The following BICRAL variants were observed in gnomAD, a reference collection of about 807,000 sequenced individuals.
BICRAL encodes BRD4-interacting chromatin-remodeling complex-associated protein-like.
A neutral mutation model predicts 91.8 loss-of-function variants in BICRAL; 8 were observed. The ratio of observed to expected loss-of-function variants is 0.09; its 90% CI spans 0.05 to 0.16. The LOEUF is 0.16. Among genes scored for constraint, BICRAL ranks in the 10% least tolerant of loss-of-function variants. The pLI, the probability that BICRAL is intolerant of heterozygous loss-of-function variation, is 1.00. For missense variants in BICRAL, 1,038 were observed against 1,310.9 expected (o/e 0.79, Z 3.21); for synonymous variants, 445 against 491.1 (o/e 0.91, Z 1.24).
At position 42,867,377 on chromosome 6, in the gene BICRAL, A is replaced by G. The variant is rs1765742706; in HGVS notation, c.*1931A>G. The G allele has an allele frequency of 6.5e-6, 1 of 153,742 alleles. No individual in the cohort carries two copies. The highest frequency in any genetic ancestry group is 2.4e-5 in the African/African-American group (1 of 41,430). 9.5% of individuals were successfully genotyped at this position (153,742 alleles called of 1,614,324 possible). A position where few individuals can be genotyped will look rare whatever the true frequency, so the allele number is the denominator to read the frequency against. ...TACCATTTTTTCCTTATTTGTGCCAATGTCCAAGTTGCAGATTTCCCCTTT... is the reference window on the plus strand; with the variant it reads ...TACCATTTTTTCCTTATTTGTGCCAGTGTCCAAGTTGCAGATTTCCCCTTT... On this transcript the variant is annotated 3_prime_UTR_variant, in exon 13 of 13. Transcript: ENST00000314073.
At chr6:42,813,936 G>T (rs910975137) in intron 2 of BICRAL, among the ~76,000 whole-genome samples, 5 of 152,034 alleles carry the variant, frequency 3.3e-5, no homozygotes, top group Admixed American at 6.6e-5. Flanking sequence ...TGGAAATCTG[G>T]ATTTACTTAA....
intron 3 of BICRAL, 105 bp downstream of exon 3, chr6:42,822,168 A>C: frequency 1.5e-6 from 1 of 659,182 alleles, no homozygotes; most frequent in South Asian, 2.0e-5. Flanking sequence ...TTAAATAAAA[A>C]TTAAATAATA....
At chr6:42,773,715 A>C (rs1341451458) in intron 1 of BICRAL, among the ~76,000 whole-genome samples, 6 of 152,004 alleles carry the variant, frequency 3.9e-5, no homozygotes. Flanking sequence ...GGGTTTCTTC[A>C]TGTTGGCCAG....
chr6:42,857,017 C>T (rs1283030333), intron 9 of BICRAL, 74 bp from the exon 10 acceptor site: 3 of 1,234,268 alleles, frequency 2.4e-6, no homozygotes, highest in African/African-American at 1.5e-5. Context: ...ATTTTATTTG[C>T]ATGCAAATAA....
intron 6 of BICRAL, among the ~76,000 whole-genome samples, chr6:42,838,365 C>T (rs531641362): frequency 1.6e-4 from 25 of 152,252 alleles, no homozygotes; most frequent in African/African-American, 6.0e-4. Flanking sequence ...CCTCATGACT[C>T]GGCTTCATCA....
intron 6 of BICRAL, among the ~76,000 whole-genome samples, chr6:42,837,500 G>A (rs58598262): frequency 1.3e-5 from 2 of 151,162 alleles, no homozygotes; most frequent in African/African-American, 4.9e-5. Context: ...GCCTGTAATC[G>A]CAGCACTTTG....
At chr6:42,778,856 C>T (rs975076169), upstream of BICRAL, among the ~76,000 whole-genome samples, 3 of 151,996 alleles carry the variant, frequency 2.0e-5, no homozygotes, top group African/African-American at 7.3e-5. Context: ...CTTGCTCTGT[C>T]GCCCAGGCTG....
At chr6:42,755,223 G>A (rs1166918815) in intron 1 of BICRAL, among the ~76,000 whole-genome samples, 1 of 152,102 alleles carries the variant, frequency 6.6e-6, no homozygotes, top group Non-Finnish European at 1.5e-5. Context: ...GGAGAATGAA[G>A]TTGGGAATGA....
chr6:42,848,218 C>T (rs543194716), intron 6 of BICRAL, among the ~76,000 whole-genome samples: 1 of 151,596 alleles, frequency 6.6e-6, no homozygotes, highest in African/African-American at 2.4e-5. Context: ...CACCACTGCA[C>T]TCCAGCCTGG....
At chr6:42,751,818 G>C (rs28407754) in intron 1 of BICRAL, among the ~76,000 whole-genome samples, 1 of 151,802 alleles carries the variant, frequency 6.6e-6, no homozygotes, top group South Asian at 2.1e-4. Flanking sequence ...CCACCATGCC[G>C]GGCTAATTTT....
At position 42,829,618 on chromosome 6, in the gene BICRAL, C is replaced by T. The variant is rs1582851896; in HGVS notation, c.1285C>T (p.Pro429Ser). 2.5e-6 allele frequency: 4 copies of T among 1,614,200 alleles called. No homozygotes were observed. Among genetic ancestry groups the T allele is most frequent in the Middle Eastern group, 1.6e-4 (1 of 6,062 alleles). The stretch of plus-strand genomic sequence containing the variant: ...AAATGGGCAACTTCTTCAAACTCAA[C>T]CCTCTCAGCTCATTTCTGGCCAAGT... ...TINGQLLQTQ[P>S]SQLISGQVAS... The change falls in exon 6 of 13, where the codon CCC becomes TCC. Residue 429 changes from proline to serine, a missense_variant. By Grantham distance (74) the Pro-to-Ser change is moderately conservative. Around this residue, in one of 5 missense-constraint regions of BICRAL, gnomAD observed 532 missense variants for 724.9 expected, o/e 0.73. Transcript: ENST00000314073.
rs376863451 is a variant in BICRAL at position 42,797,437 on chromosome 6, GA to G, written c.-101-12859del. 4.5e-3 allele frequency among the ~76,000 whole-genome samples: 663 copies of G among 148,542 alleles called. 6 individuals carry two copies. The highest frequency in any genetic ancestry group is 0.016 in the African/African-American group (630 of 40,544). ...GCAAGGAGTGATTTGACTTAAAAAG[GA>G]AAAAAAAAAGTTATAGTCAATAACA... On this transcript the variant is annotated intron_variant, in intron 1 of 12. Coordinates refer to ENST00000314073, the MANE Select transcript of BICRAL (RefSeq NM_001393499.1).
intron 1 of BICRAL, among the ~76,000 whole-genome samples, chr6:42,747,344 C>T (rs1359399199): frequency 6.6e-6 from 1 of 152,202 alleles, no homozygotes; most frequent in African/African-American, 2.4e-5. Context: ...CCCTAGGTTT[C>T]CTCCTTATAT....
intron 1 of BICRAL, among the ~76,000 whole-genome samples, chr6:42,803,211 A>G (rs1763624000): frequency 6.6e-6 from 1 of 152,186 alleles, no homozygotes; most frequent in Non-Finnish European, 1.5e-5. Flanking sequence ...CAGCACATAA[A>G]TCCCTTTATA....
chr6:42,757,082 T>G (rs1762473615), intron 1 of BICRAL, among the ~76,000 whole-genome samples: 1 of 151,872 alleles, frequency 6.6e-6, no homozygotes, highest in Admixed American at 6.6e-5. Flanking sequence ...ACACTTCTAT[T>G]GCATTCATAT....
intron 1 of BICRAL, among the ~76,000 whole-genome samples, chr6:42,758,705 G>A (rs1451223995): frequency 6.9e-6 from 1 of 145,790 alleles, no homozygotes; most frequent in Non-Finnish European, 1.5e-5. Flanking sequence ...GATGGAGTCG[G>A]GGGGTCCAAA....
chr6:42,814,217 C>T (rs1185169746), intron 2 of BICRAL, among the ~76,000 whole-genome samples: 1 of 134,890 alleles, frequency 7.4e-6, no homozygotes, highest in African/African-American at 2.8e-5. Context: ...TAAGGTATCT[C>T]GTATTGGCTC....
At chr6:42,856,235 T>G (rs1765347253) in intron 9 of BICRAL, among the ~76,000 whole-genome samples, 2 of 151,824 alleles carry the variant, frequency 1.3e-5, no homozygotes, top group Admixed American at 1.3e-4. Flanking sequence ...GAGGATAGCT[T>G]GAGTTCTGAG....
At position 42,829,557 on chromosome 6, in the gene BICRAL, T is replaced by C. The variant is rs748378869; in HGVS notation, c.1224T>C (p.Ser408=). The part of the protein sequence containing the change: ...QSQFLIPTSL[S]VSSNSVHHVQ... ...AGTTCCTTATACCTACAAGCCTTTC[T>C]GTCAGTTCCAACTCGGTACACCACG... Residue 408 remains serine (S), a synonymous_variant, in exon 6 of 13, where the codon TCT becomes TCC. Transcript: ENST00000314073. The C allele has an allele frequency of 6.2e-6, 10 of 1,614,232 alleles. No individual in the cohort carries two copies. In the Admixed American group the frequency reaches 1.7e-4, roughly 27 times the overall value.
Sources: gnomAD v4.1 joint callset for allele counts (sites outside exome capture counted in the v4.1 genomes callset) on GRCh38, gnomAD v4.1.1 for gene constraint, gnomAD v4.1.1 regional missense constraint, MANE v1.5 for transcripts, NCBI Gene and HGNC (gene_info 2026-07-23, HGNC 2026-07-21) for gene names.